MACROD2: variants seen among roughly 807,000 people sequenced by gnomAD.
MACROD2 encodes mono-ADP ribosylhydrolase 2.
A neutral mutation model predicts 70.4 loss-of-function variants in MACROD2; 36 were observed. The ratio of observed to expected loss-of-function variants is 0.51; its 90% CI spans 0.39 to 0.68. MACROD2 has a LOEUF of 0.68. MACROD2 is among the 30% of genes least tolerant of loss of function. The pLI, the probability that MACROD2 is intolerant of heterozygous loss-of-function variation, is 0.00. For missense variants in MACROD2, 496 were observed against 538.4 expected, an observed-to-expected ratio of 0.92 and a Z score of 0.78; for synonymous variants, 172 against 178.8, an observed-to-expected ratio of 0.96 and a Z score of 0.30.
chr20:14,347,958 C>T (rs1234185527), intron 3 of MACROD2, among the ~76,000 whole-genome samples: 1 of 152,016 alleles, frequency 6.6e-6, no homozygotes, highest in African/African-American at 2.4e-5. Context: ...AGATATGAAA[C>T]CAGAACAAAT....
At chr20:14,333,332 T>A (rs1568563493) in intron 3 of MACROD2, among the ~76,000 whole-genome samples, 1 of 152,204 alleles carries the variant, frequency 6.6e-6, no homozygotes. Context: ...TTCTGCTTCA[T>A]TTATTTTGAC....
At chr20:14,054,286 TA>T (rs1268181795) in intron 2 of MACROD2, among the ~76,000 whole-genome samples, 1 of 151,654 alleles carries the variant, frequency 6.6e-6, no homozygotes, top group Admixed American at 6.6e-5. Context: ...GCAAGATGTA[TA>T]AGGATGAGGA....
At chr20:14,520,630 T>G (rs554769864) in intron 4 of MACROD2, among the ~76,000 whole-genome samples, 1 of 152,288 alleles carries the variant, frequency 6.6e-6, no homozygotes, top group East Asian at 1.9e-4. Context: ...TCATCTTCCC[T>G]GGTGAACTAC....
intron 4 of MACROD2, among the ~76,000 whole-genome samples, chr20:14,550,148 C>A (rs1978558019): frequency 6.6e-6 from 1 of 152,098 alleles, no homozygotes; most frequent in African/African-American, 2.4e-5. Context: ...GTCTGGAACT[C>A]CTGACCTCAG....
intron 7 of MACROD2, among the ~76,000 whole-genome samples, chr20:15,484,964 A>C (rs938890649): frequency 6.6e-6 from 1 of 152,102 alleles, no homozygotes; most frequent in Admixed American, 6.5e-5. Context: ...TTGCTCTGTG[A>C]CCTCACTTCT....
intron 1 of MACROD2, among the ~76,000 whole-genome samples, chr20:13,998,812 G>A (rs1325814097): frequency 3.3e-5 from 5 of 151,812 alleles, no homozygotes; most frequent in South Asian, 2.1e-4. Flanking sequence ...AAAATTAGCC[G>A]GTCGTGGTGG....
intron 8 of MACROD2, among the ~76,000 whole-genome samples, chr20:15,835,431 G>A (rs1375817561): frequency 6.6e-6 from 1 of 151,954 alleles, no homozygotes; most frequent in Non-Finnish European, 1.5e-5. Flanking sequence ...ATTATGAATA[G>A]TAACAGCTAT....
chr20:14,116,541 A>AT (rs2054515736), intron 3 of MACROD2, among the ~76,000 whole-genome samples: 1 of 152,070 alleles, frequency 6.6e-6, no homozygotes, highest in East Asian at 1.9e-4. Context: ...TTTTAATGCA[A>AT]TTTTTTTCTT....
At chr20:15,952,291 T>C (rs888890935) in intron 12 of MACROD2, among the ~76,000 whole-genome samples, 1 of 152,146 alleles carries the variant, frequency 6.6e-6, no homozygotes. Context: ...TCTGTCAACC[T>C]CTTCCTCAGG....
intron 11 of MACROD2, among the ~76,000 whole-genome samples, chr20:15,936,274 A>G (rs917837688): frequency 1.3e-5 from 2 of 149,006 alleles, no homozygotes; most frequent in Admixed American, 6.7e-5. Context: ...GTGTGTATAT[A>G]TATACACACA....
At chr20:14,835,720 A>G (rs1375617970) in intron 5 of MACROD2, among the ~76,000 whole-genome samples, 1 of 151,996 alleles carries the variant, frequency 6.6e-6, no homozygotes, top group Non-Finnish European at 1.5e-5. Context: ...AGGGCATTGC[A>G]CCATTCTCTT....
chr20:14,962,988 A>G (rs756535356), intron 5 of MACROD2, among the ~76,000 whole-genome samples: 2 of 152,216 alleles, frequency 1.3e-5, no homozygotes, highest in East Asian at 3.8e-4. Flanking sequence ...TTAGCATGCC[A>G]GTCCAATGTC....
At chr20:15,423,836 G>A (rs4814372) in intron 6 of MACROD2, among the ~76,000 whole-genome samples, 48,691 of 151,600 alleles carry the variant, frequency 0.32, 8,204 homozygotes, top group African/African-American at 0.41. Flanking sequence ...TACTCGGTTC[G>A]GGATGCATAA....
intron 3 of MACROD2, among the ~76,000 whole-genome samples, chr20:14,193,864 A>C (rs1007874345): frequency 1.3e-5 from 2 of 152,204 alleles, no homozygotes; most frequent in African/African-American, 4.8e-5. Context: ...GTTGAGGCCA[A>C]ATGGAAAATA....
intron 5 of MACROD2, among the ~76,000 whole-genome samples, chr20:14,807,229 A>G (rs1214050437): frequency 6.6e-6 from 1 of 152,128 alleles, no homozygotes; most frequent in Non-Finnish European, 1.5e-5. Context: ...TCTGGGACAA[A>G]GCTTCCAGAG....
At chr20:15,069,403 A>G (rs1202325540) in intron 5 of MACROD2, among the ~76,000 whole-genome samples, 1 of 152,230 alleles carries the variant, frequency 6.6e-6, no homozygotes, top group Non-Finnish European at 1.5e-5. Context: ...CACTTGCTAG[A>G]GAGATTTGCA....
chr20:14,968,181 A>T (rs955031513), intron 5 of MACROD2, among the ~76,000 whole-genome samples: 3 of 152,186 alleles, frequency 2.0e-5, no homozygotes, highest in Non-Finnish European at 4.4e-5. Flanking sequence ...ACTTTCAAAT[A>T]TCACTTAAAA....
intron 5 of MACROD2, among the ~76,000 whole-genome samples, chr20:14,765,718 A>G (rs954207405): frequency 2.6e-5 from 4 of 152,098 alleles, no homozygotes; most frequent in African/African-American, 7.3e-5. Flanking sequence ...TCTTTAAAAT[A>G]AATCAACATA....
At chr20:15,477,223 C>T (rs1178584907) in intron 7 of MACROD2, among the ~76,000 whole-genome samples, 2 of 151,088 alleles carry the variant, frequency 1.3e-5, no homozygotes, top group Non-Finnish European at 2.9e-5. Flanking sequence ...GCCTCAGCCT[C>T]CCAAGTAGCT....
Sources: gnomAD v4.1 joint callset for allele counts (sites outside exome capture counted in the v4.1 genomes callset) on GRCh38, gnomAD v4.1.1 for gene constraint, MANE v1.5 for transcripts, NCBI Gene and HGNC (gene_info 2026-07-23, HGNC 2026-07-21) for gene names.